Variants in PPP1R8 observed in about 807,000 individuals in gnomAD.
PPP1R8 encodes the protein protein phosphatase 1 regulatory subunit 8, also known as nuclear inhibitor of protein phosphatase 1.
PPP1R8 carries 4 observed loss-of-function variants against 31.3 expected under a neutral mutation model. The ratio of observed to expected loss-of-function variants is 0.13; its 90% CI spans 0.06 to 0.29. The LOEUF is 0.29. PPP1R8 is among the 10% of genes least tolerant of loss of function. The pLI, the probability that PPP1R8 is intolerant of heterozygous loss-of-function variation, is 1.00. For missense variants in PPP1R8, 254 were observed against 440.1 expected (o/e 0.58, Z 3.78); for synonymous variants, 170 against 169.7 (o/e 1.00, Z -0.01).
intron 6 of PPP1R8, among the ~76,000 whole-genome samples, chr1:27,849,171 A>C (rs2089314529): frequency 6.6e-6 from 1 of 152,176 alleles, no homozygotes; most frequent in Non-Finnish European, 1.5e-5. Flanking sequence ...CCGGAGTTCA[A>C]GACCAGCCTG....
At chr1:27,846,826 A>G (rs890824978) in intron 5 of PPP1R8, among the ~76,000 whole-genome samples, 2 of 152,172 alleles carry the variant, frequency 1.3e-5, no homozygotes, top group African/African-American at 4.8e-5. Flanking sequence ...TTGCTTTCTC[A>G]TCTACTAAAT....
chr1:27,836,986 A>G (rs2089173174), intron 2 of PPP1R8, among the ~76,000 whole-genome samples: 1 of 152,196 alleles, frequency 6.6e-6, no homozygotes, highest in Admixed American at 6.5e-5. Flanking sequence ...TTATTTTCTG[A>G]GAAGCAATCT....
chr1:27,840,839 C>G (rs1342059138), intron 3 of PPP1R8, among the ~76,000 whole-genome samples, 175 bp from the exon 4 acceptor site: 1 of 152,130 alleles, frequency 6.6e-6, no homozygotes, highest in African/African-American at 2.4e-5. Context: ...GCTGGAGTTT[C>G]TGACCATGAT....
chr1:27,832,612 TAAC>T (rs981586174), intron 1 of PPP1R8, 141 bp from the exon 2 acceptor site: 1 of 610,388 alleles, frequency 1.6e-6, no homozygotes, highest in African/African-American at 1.9e-5. Flanking sequence ...GGAGCTGTAA[TAAC>T]AGTGAAGTGG....
In PPP1R8 at chr1:27,838,894, T is replaced by C. The variant is rs763999531; in HGVS notation, c.271+42T>C. Reference sequence around the variant, plus strand: ...CAATTCACATGTTACCTTTAGGCAATATGAAAATACTCTTTGGGTTCTTTA... The same window carrying C: ...CAATTCACATGTTACCTTTAGGCAACATGAAAATACTCTTTGGGTTCTTTA... On this transcript the variant is annotated intron_variant, in intron 3 of 6. Transcript: ENST00000311772. 2.1e-6 allele frequency: 3 copies of C among 1,447,690 alleles called. No individual in the cohort carries two copies. In the South Asian group the frequency reaches 4.4e-5, roughly 21 times the overall value. 89.7% of individuals were successfully genotyped at this position (1,447,690 alleles called of 1,614,324 possible).
At chr1:27,843,503 T>A (rs2089242513) in intron 5 of PPP1R8, among the ~76,000 whole-genome samples, 173 bp downstream of exon 5, 1 of 151,804 alleles carries the variant, frequency 6.6e-6, no homozygotes, top group Non-Finnish European at 1.5e-5. Flanking sequence ...TTAAAAAAAA[T>A]ACAAAAATTA....
At chr1:27,846,931 A>G (rs1033807697) in intron 5 of PPP1R8, 97 bp from the exon 6 acceptor site, 27 of 1,027,756 alleles carry the variant, frequency 2.6e-5, no homozygotes, top group Non-Finnish European at 3.1e-6. Flanking sequence ...TACAATTTTA[A>G]TATGAGTTGT....
intron 2 of PPP1R8, among the ~76,000 whole-genome samples, chr1:27,837,367 C>G (rs1173378026): frequency 6.8e-6 from 1 of 146,464 alleles, no homozygotes; most frequent in Admixed American, 6.8e-5. Context: ...GGAGGCAGAG[C>G]TTGTAGTGAG....
chr1:27,835,628 G>T (rs1015931602), intron 2 of PPP1R8, among the ~76,000 whole-genome samples: 16 of 152,316 alleles, frequency 1.1e-4, no homozygotes, highest in African/African-American at 3.8e-4. Context: ...CTAAGTGATT[G>T]TTTAAGGAAA....
chr1:27,841,241 C>T lies in PPP1R8; in HGVS notation c.492+7C>T. On this transcript the variant is annotated splice_region_variant and intron_variant, in intron 4 of 6. Transcript: ENST00000311772. Reference sequence around the variant, plus strand: ...GGAGGAAACTGAGCTTGATGTAATTCCCTGTTTATGTCATTGTTTTGTCTT... The same window carrying T: ...GGAGGAAACTGAGCTTGATGTAATTTCCTGTTTATGTCATTGTTTTGTCTT... The T allele has an allele frequency of 6.2e-7, 1 of 1,613,608 alleles. No homozygotes were observed. Among genetic ancestry groups the T allele is most frequent in the Non-Finnish European group, 8.5e-7 (1 of 1,179,840 alleles).
chr1:27,839,952 T>G (rs2089207212), intron 3 of PPP1R8, among the ~76,000 whole-genome samples: 1 of 151,918 alleles, frequency 6.6e-6, no homozygotes, highest in African/African-American at 2.4e-5. Context: ...CTCAGCTGCT[T>G]GGGAGGCTTA....
At chr1:27,832,699 G>A (rs1200614150) in intron 1 of PPP1R8, 57 bp from the exon 2 acceptor site, 2 of 1,443,258 alleles carry the variant, frequency 1.4e-6, no homozygotes, top group Non-Finnish European at 1.9e-6. Context: ...GACAATGGTT[G>A]TAAATAGCAT....
At chr1:27,839,783 G>T (rs1367157990) in intron 3 of PPP1R8, among the ~76,000 whole-genome samples, 3 of 152,054 alleles carry the variant, frequency 2.0e-5, no homozygotes, top group Non-Finnish European at 4.4e-5. Flanking sequence ...GCAAGGCCAG[G>T]CATGGTGACT....
At chr1:27,842,475 TC>T (rs1451079689) in intron 4 of PPP1R8, among the ~76,000 whole-genome samples, 2 of 152,204 alleles carry the variant, frequency 1.3e-5, no homozygotes, top group Admixed American at 6.5e-5. Flanking sequence ...CTGCTATACT[TC>T]CATGGCTTTT....
In PPP1R8 at chr1:27,850,360, C is replaced by G; in HGVS notation, c.970C>G (p.Pro324Ala). Residue 324 changes from proline (P) to alanine (A), a missense_variant, in exon 7 of 7, where the codon CCT becomes GCT. By Grantham distance (27) the Pro-to-Ala change is conservative. Around this residue, in one of 6 missense-constraint regions of PPP1R8, gnomAD observed 105 missense variants for 128.0 expected, o/e 0.82. Coordinates refer to ENST00000311772, the MANE Select transcript of PPP1R8 (RefSeq NM_014110.5). The stretch of plus-strand genomic sequence containing the variant: ...TGCACCAAACCCTGCAGTCTATAAC[C>G]CTGAAGCTGTAAATGAACCCAAGAA... ...NPAPNPAVYNPEAVNEPKKKK... is the reference protein window; with the variant it reads ...NPAPNPAVYNAEAVNEPKKKK... 6.2e-7 allele frequency: 1 copy of G among 1,614,102 alleles called. No individual in the cohort carries two copies. The highest frequency in any genetic ancestry group is 8.5e-7 in the Non-Finnish European group (1 of 1,180,020).
intron 6 of PPP1R8, among the ~76,000 whole-genome samples, chr1:27,849,772 A>G (rs957443411): frequency 4.6e-5 from 7 of 152,192 alleles, no homozygotes; most frequent in African/African-American, 9.7e-5. Context: ...AAAGTGAGCT[A>G]TGTAACTTTA....
intron 5 of PPP1R8, among the ~76,000 whole-genome samples, chr1:27,843,963 T>C (rs985433991): frequency 6.6e-6 from 1 of 152,128 alleles, no homozygotes; most frequent in Non-Finnish European, 1.5e-5. Flanking sequence ...AAAAAGAGTT[T>C]CCAGGGTTGG....
rs192132085 is a variant in PPP1R8, at chr1:27,838,615, A to G, written c.118-84A>G. The G allele has an allele frequency of 7.8e-6, 7 of 899,222 alleles. No individual in the cohort carries two copies. The Admixed American group carries it at 1.4e-4, about 18-fold the overall frequency. 55.7% of individuals were successfully genotyped at this position (899,222 alleles called of 1,614,324 possible). A position where few individuals can be genotyped will look rare whatever the true frequency, so the allele number is the denominator to read the frequency against. Reference sequence around the variant, plus strand: ...AATCTAATGGAAAGGAATTTTATCTACTCAAGATTCTCTATTTGGGAGAGT... The same window carrying G: ...AATCTAATGGAAAGGAATTTTATCTGCTCAAGATTCTCTATTTGGGAGAGT... On this transcript the variant is annotated intron_variant, in intron 2 of 6. Coordinates refer to ENST00000311772, the MANE Select transcript of PPP1R8 (RefSeq NM_014110.5).
chr1:27,845,783 C>CTTTTTTTTTTTTTTTTTTT (rs773994854), intron 5 of PPP1R8, among the ~76,000 whole-genome samples: 10 of 91,834 alleles, frequency 1.1e-4, no homozygotes, highest in East Asian at 3.9e-4. Context: ...TTCTTTCTTT[C>CTTTTTTTTTTTTTTTTTTT]TTTTTTTTTT....
Sources: allele counts gnomAD v4.1 joint callset (sites outside exome capture counted in the v4.1 genomes callset), GRCh38; gene constraint gnomAD v4.1.1; regional missense constraint gnomAD v4.1.1; transcripts MANE v1.5; gene names NCBI Gene and HGNC (gene_info 2026-07-23, HGNC 2026-07-21).